Variants in ANO4 observed in about 807,000 individuals in gnomAD.
ANO4 encodes the protein anoctamin-4.
In ANO4, 69 loss-of-function variants were observed where a neutral mutation model predicts 141.9. That is an observed-to-expected ratio of 0.49 (90% confidence interval 0.40 to 0.59). The LOEUF (loss-of-function observed/expected upper bound fraction) is 0.59, where lower values mean the gene tolerates loss of function less well. Ranked by LOEUF, ANO4 falls within the 20% of genes least tolerant of loss-of-function variation. The pLI is 0.00. For synonymous variants in ANO4, 350 were observed against 394.3 expected (o/e 0.89, Z 1.33); for missense variants, 894 against 1,162.2 (o/e 0.77, Z 3.36).
chr12:100,839,266 A>C (rs1480057577), intron 1 of ANO4, among the ~76,000 whole-genome samples: 4 of 152,156 alleles, frequency 2.6e-5, no homozygotes, highest in Non-Finnish European at 5.9e-5. Context: ...CGGAGATAAT[A>C]TGTGATCTCT....
chr12:100,816,125 A>G (rs2035728876), intron 1 of ANO4, among the ~76,000 whole-genome samples: 1 of 152,120 alleles, frequency 6.6e-6, no homozygotes, highest in Non-Finnish European at 1.5e-5. Flanking sequence ...TACTGAATGC[A>G]TGGCATAGTA....
At chr12:101,112,330 A>G (rs899763368) in intron 24 of ANO4, among the ~76,000 whole-genome samples, 1 of 152,212 alleles carries the variant, frequency 6.6e-6, no homozygotes, top group Non-Finnish European at 1.5e-5. Flanking sequence ...CATTGCCTCA[A>G]TGGTTTGCAA....
At chr12:100,923,184 C>A (rs115022230) in intron 3 of ANO4, among the ~76,000 whole-genome samples, 2 of 151,954 alleles carry the variant, frequency 1.3e-5, no homozygotes, top group East Asian at 3.9e-4. Flanking sequence ...GTGTGAACAA[C>A]GTACAGGTTT....
At chr12:101,097,739 G>A (rs76554907) in intron 20 of ANO4, 31 bp downstream of exon 20, 256,173 of 1,612,028 alleles carry the variant, frequency 0.16, 21,155 homozygotes, top group African/African-American at 0.25. Context: ...CCTTGTTTCC[G>A]ACAGACTTGC....
At chr12:100,767,889 G>C (rs1253473649) in intron 3 of ANO4, among the ~76,000 whole-genome samples, 1 of 152,142 alleles carries the variant, frequency 6.6e-6, no homozygotes, top group Non-Finnish European at 1.5e-5. Flanking sequence ...CTGGGTCCGT[G>C]GGTGATGGAC....
chr12:101,006,462 C>T (rs1285417739), intron 8 of ANO4, among the ~76,000 whole-genome samples: 10 of 152,200 alleles, frequency 6.6e-5, no homozygotes, highest in African/African-American at 2.4e-4. Context: ...TAATGCTCTT[C>T]CTAAAGTAGG....
chr12:101,016,165 G>C (rs1470687504), intron 8 of ANO4, among the ~76,000 whole-genome samples: 1 of 152,148 alleles, frequency 6.6e-6, no homozygotes, highest in East Asian at 1.9e-4. Context: ...GAATACCTGA[G>C]ACTGGGTAGC....
intron 7 of ANO4, among the ~76,000 whole-genome samples, chr12:100,978,152 A>C (rs935047927): frequency 2.6e-5 from 4 of 152,228 alleles, no homozygotes; most frequent in African/African-American, 9.6e-5. Context: ...TGGTATTTGA[A>C]GGCAAGGATG....
intron 1 of ANO4, among the ~76,000 whole-genome samples, chr12:100,882,280 C>T (rs2039607983): frequency 1.3e-5 from 2 of 152,140 alleles, no homozygotes; most frequent in South Asian, 2.1e-4. Context: ...TGTCGAGCTA[C>T]ATAGGCCAAT....
In ANO4 at chr12:101,037,087, T is replaced by C. The variant is rs1452786629; in HGVS notation, c.842-8T>C. On this transcript the variant is annotated splice_region_variant and splice_polypyrimidine_tract_variant and intron_variant, in intron 9 of 27. Coordinates refer to ENST00000392977, the MANE Select transcript of ANO4 (RefSeq NM_001286615.2). Reference sequence around the variant, plus strand: ...TATTAATTCAAATGGACTTATTTGCTGTTTTAGGTCTGAATCGTTTGCTTA... The same window carrying C: ...TATTAATTCAAATGGACTTATTTGCCGTTTTAGGTCTGAATCGTTTGCTTA... The C allele has an allele frequency of 5.7e-5, 92 of 1,613,602 alleles. No homozygotes were observed. Among genetic ancestry groups the C allele is most frequent in the Non-Finnish European group, 7.0e-5 (82 of 1,179,676 alleles).
chr12:100,876,698 T>G (rs2135943564), intron 1 of ANO4, among the ~76,000 whole-genome samples: 1 of 152,312 alleles, frequency 6.6e-6, no homozygotes, highest in East Asian at 1.9e-4. Context: ...CAAGACCATG[T>G]ATTGAAGAGA....
chr12:100,982,547 A>T (rs2044517857), intron 7 of ANO4, among the ~76,000 whole-genome samples: 1 of 152,222 alleles, frequency 6.6e-6, no homozygotes, highest in African/African-American at 2.4e-5. Context: ...GTTCATCATT[A>T]TTGTCACCAT....
intron 14 of ANO4, among the ~76,000 whole-genome samples, chr12:101,071,853 AAAATT>A (rs1330451362): frequency 5.9e-5 from 9 of 152,158 alleles, no homozygotes; most frequent in Non-Finnish European, 1.3e-4. Flanking sequence ...TAAAAATAAA[AAAATT>A]AAATTAAAAA....
intron 3 of ANO4, among the ~76,000 whole-genome samples, chr12:100,767,841 G>A (rs954407138): frequency 3.3e-5 from 5 of 152,178 alleles, no homozygotes; most frequent in Non-Finnish European, 7.4e-5. Context: ...CTTTGACCAC[G>A]TACAAAAACT....
intron 1 of ANO4, among the ~76,000 whole-genome samples, chr12:100,876,796 C>G (rs2039331384): frequency 6.6e-6 from 1 of 152,106 alleles, no homozygotes; most frequent in Non-Finnish European, 1.5e-5. Flanking sequence ...TTTTCTATTC[C>G]CTTCCATTGG....
At chr12:100,838,244 A>G (rs1184592123) in intron 1 of ANO4, among the ~76,000 whole-genome samples, 1 of 151,766 alleles carries the variant, frequency 6.6e-6, no homozygotes, top group African/African-American at 2.4e-5. Flanking sequence ...AAAAAAAAAA[A>G]AAAAAAAGAT....
intron 14 of ANO4, among the ~76,000 whole-genome samples, chr12:101,057,923 A>G (rs2048189940): frequency 6.6e-6 from 1 of 152,214 alleles, no homozygotes; most frequent in Admixed American, 6.5e-5. Flanking sequence ...TGTTGTAGTC[A>G]TGAAGTCTTT....
chr12:100,765,179 T>C (rs1252424765), intron 3 of ANO4, among the ~76,000 whole-genome samples: 3 of 152,200 alleles, frequency 2.0e-5, no homozygotes, highest in African/African-American at 7.2e-5. Flanking sequence ...CATGATTCAG[T>C]CTTGGTAGTT....
chr12:100,762,543 A>G (rs1476820172), intron 3 of ANO4, among the ~76,000 whole-genome samples: 1 of 152,182 alleles, frequency 6.6e-6, no homozygotes, highest in Non-Finnish European at 1.5e-5. Flanking sequence ...CAGTTATTCT[A>G]GAAAGTTCTC....
Sources: gnomAD v4.1 joint callset for allele counts (sites outside exome capture counted in the v4.1 genomes callset) on GRCh38, gnomAD v4.1.1 for gene constraint, MANE v1.5 for transcripts, NCBI Gene and HGNC (gene_info 2026-07-23, HGNC 2026-07-21) for gene names.